The following RTN1 variants were observed in gnomAD, a reference collection of about 807,000 sequenced individuals.
The protein encoded by RTN1 is reticulon-1.
In RTN1, 25 loss-of-function variants were observed where a neutral mutation model predicts 65.5. That is an observed-to-expected ratio of 0.38 (90% CI 0.28 to 0.53). The LOEUF (loss-of-function observed/expected upper bound fraction) is 0.53, where lower values mean the gene tolerates loss of function less well. Among genes scored for constraint, RTN1 ranks in the 20% least tolerant of loss-of-function variants. The pLI, the probability that RTN1 is intolerant of heterozygous loss-of-function variation, is 0.79. For synonymous variants in RTN1, 471 were observed against 447.6 expected (o/e 1.05, Z -0.66); for missense variants, 983 against 1,025.4 (o/e 0.96, Z 0.57).
intron 3 of RTN1, among the ~76,000 whole-genome samples, chr14:59,687,695 C>T (rs909157696): frequency 6.6e-6 from 1 of 152,004 alleles, no homozygotes; most frequent in Non-Finnish European, 1.5e-5. Context: ...GATCTCCAGG[C>T]ATTCAGAGCA....
At chr14:59,707,267 G>T (rs901829141) in intron 3 of RTN1, among the ~76,000 whole-genome samples, 1 of 152,202 alleles carries the variant, frequency 6.6e-6, no homozygotes, top group African/African-American at 2.4e-5. Context: ...CAAGGCACAG[G>T]GTTAGAGGGC....
intron 8 of RTN1, among the ~76,000 whole-genome samples, chr14:59,600,546 C>T (rs1381235464): frequency 1.3e-5 from 2 of 152,066 alleles, no homozygotes; most frequent in Admixed American, 6.6e-5. Flanking sequence ...ATTATTTATT[C>T]TAAGGTGGAA....
At chr14:59,618,825 GA>G (rs1273836001) in intron 3 of RTN1, among the ~76,000 whole-genome samples, 2 of 152,164 alleles carry the variant, frequency 1.3e-5, no homozygotes, top group Admixed American at 1.3e-4. Flanking sequence ...AAATTTCTTT[GA>G]GTGAAAAGTC....
intron 1 of RTN1, among the ~76,000 whole-genome samples, chr14:59,768,324 C>G (rs764060542): frequency 6.6e-6 from 1 of 152,186 alleles, no homozygotes; most frequent in Non-Finnish European, 1.5e-5. Context: ...TGGTTATAGA[C>G]TTTTCTTTGG....
chr14:59,763,453 C>T lies in RTN1; in HGVS notation c.242-16972G>A, dbSNP rs575213546. On this transcript the variant is annotated intron_variant, in intron 1 of 8. Coordinates refer to ENST00000267484, the MANE Select transcript of RTN1 (RefSeq NM_021136.3). The stretch of plus-strand genomic sequence containing the variant: ...TTTCTTCTTTCTTTTCTTTTACCTC[C>T]AGGAAGAAAAAGGCCAATAAATTAC... Among the ~76,000 whole-genome samples, 172 of 151,844 alleles carry T rather than the reference C, an allele frequency of 1.1e-3. 1 individual carries two copies. The Middle Eastern group carries it at 0.014, about 12-fold the overall frequency.
At chr14:59,747,157 C>T (rs1012357493) in intron 1 of RTN1, among the ~76,000 whole-genome samples, 4 of 152,206 alleles carry the variant, frequency 2.6e-5, no homozygotes, top group African/African-American at 9.7e-5. Flanking sequence ...CTCTACTGCC[C>T]ATTCATTGCC....
At chr14:59,728,081 T>C (rs1237463022) in intron 2 of RTN1, among the ~76,000 whole-genome samples, 1 of 152,176 alleles carries the variant, frequency 6.6e-6, no homozygotes, top group Non-Finnish European at 1.5e-5. Flanking sequence ...TAATCTGATG[T>C]ATACAGCACT....
chr14:59,603,763 C>G (rs1881653600), intron 6 of RTN1, 89 bp downstream of exon 6: 1 of 1,013,894 alleles, frequency 9.9e-7, no homozygotes. Flanking sequence ...CTAGGAATCT[C>G]TTTAAACAAA....
intron 1 of RTN1, among the ~76,000 whole-genome samples, chr14:59,785,360 A>G (rs555981267): frequency 5.9e-5 from 9 of 152,374 alleles, no homozygotes; most frequent in African/African-American, 1.9e-4. Context: ...TTTGCATTAT[A>G]TGAGTTAATT....
chr14:59,637,509 C>T (rs1344544647), intron 3 of RTN1, among the ~76,000 whole-genome samples: 2 of 151,994 alleles, frequency 1.3e-5, no homozygotes, highest in Non-Finnish European at 2.9e-5. Flanking sequence ...GTCAAGAGAT[C>T]GAGACCATCC....
chr14:59,623,069 G>A (rs1205424331), intron 3 of RTN1, among the ~76,000 whole-genome samples: 1 of 152,186 alleles, frequency 6.6e-6, no homozygotes, highest in Admixed American at 6.5e-5. Context: ...AGCTTTGGTG[G>A]AACAAAGGAA....
intron 1 of RTN1, among the ~76,000 whole-genome samples, chr14:59,796,710 C>T (rs928234230): frequency 2.6e-5 from 4 of 152,118 alleles, no homozygotes; most frequent in Admixed American, 1.3e-4. Context: ...CAGATTTCAC[C>T]TCTATTGTGA....
intron 1 of RTN1, among the ~76,000 whole-genome samples, chr14:59,838,719 T>C (rs12891291): frequency 0.21 from 32,521 of 152,062 alleles, 3,788 homozygotes; most frequent in East Asian, 0.47. Flanking sequence ...CTTCATCTAC[T>C]GAAGTTCTCC....
chr14:59,765,768 G>GT lies in RTN1; in HGVS notation c.242-19288dup, dbSNP rs57268766. 1.9e-3 allele frequency among the ~76,000 whole-genome samples: 281 copies of GT among 144,958 alleles called. 1 individual carries two copies. Among genetic ancestry groups the GT allele is most frequent in the East Asian group, 4.8e-3 (24 of 5,042 alleles). ...TCAGTATAAGTATTAAATGCTCATG[G>GT]TTTTTTTTTTTTTAAACTCCTAAAA... On this transcript the variant is annotated intron_variant, in intron 1 of 8. Transcript: ENST00000267484.
chr14:59,719,025 T>C (rs868154425), intron 3 of RTN1, among the ~76,000 whole-genome samples: 13 of 152,184 alleles, frequency 8.5e-5, no homozygotes, highest in Admixed American at 2.0e-4. Context: ...GTCTTCCTGC[T>C]TCCATGCTTG....
intron 1 of RTN1, among the ~76,000 whole-genome samples, chr14:59,749,785 ATC>A (rs1442355930): frequency 1.8e-5 from 2 of 111,974 alleles, no homozygotes; most frequent in Non-Finnish European, 3.3e-5. Context: ...ATTTATATAT[ATC>A]TATATGTATA....
chr14:59,817,198 C>A (rs2139620795), intron 1 of RTN1, among the ~76,000 whole-genome samples: 1 of 151,950 alleles, frequency 6.6e-6, no homozygotes, highest in African/African-American at 2.4e-5. Flanking sequence ...CTCTTATAGT[C>A]TAGTGGGGGA....
At chr14:59,781,083 C>T (rs1341129275) in intron 1 of RTN1, among the ~76,000 whole-genome samples, 2 of 152,052 alleles carry the variant, frequency 1.3e-5, no homozygotes, top group African/African-American at 4.8e-5. Context: ...TTTAGTACCC[C>T]AACAACCATG....
rs1015242862 is a variant in RTN1, at chr14:59,825,265, C to T, written c.241+45125G>A. Among the ~76,000 whole-genome samples the T allele has an allele frequency of 2.0e-5, 3 of 152,162 alleles. No homozygotes were observed. The highest frequency in any genetic ancestry group is 4.4e-5 in the Non-Finnish European group (3 of 68,020). The stretch of plus-strand genomic sequence containing the variant: ...CCCCTGGGAAGAAAAACTGCTTCCC[C>T]AACCCCAGCTGAGAACCTTAGCTCA... On this transcript the variant is annotated intron_variant, in intron 1 of 8. Coordinates refer to ENST00000267484, the MANE Select transcript of RTN1 (RefSeq NM_021136.3). This position sits in a 1 kb window ranked among gnomAD's most constrained non-coding sequence, Gnocchi z 4.2.
Sources: allele counts gnomAD v4.1 joint callset (sites outside exome capture counted in the v4.1 genomes callset), GRCh38; gene constraint gnomAD v4.1.1; non-coding constraint Gnocchi (gnomAD v3.1); transcripts MANE v1.5; gene names NCBI Gene and HGNC (gene_info 2026-07-23, HGNC 2026-07-21).